GUCY1A1: variants seen among roughly 807,000 people sequenced by gnomAD.
GUCY1A1 encodes the protein guanylate cyclase soluble subunit alpha-1.
Under a neutral mutation model 64.5 loss-of-function variants are expected in GUCY1A1, and 48 were observed. That is an observed-to-expected ratio of 0.74 (90% CI 0.59 to 0.95). The LOEUF (loss-of-function observed/expected upper bound fraction) is 0.95, where lower values mean the gene tolerates loss of function less well. Among genes scored for constraint, GUCY1A1 ranks in the 40% least tolerant of loss-of-function variants. The probability of loss-of-function intolerance (pLI) is 0.00; values close to 1 mark genes in which losing one functional copy is unlikely to be tolerated. For synonymous variants in GUCY1A1, 308 were observed against 303.4 expected (o/e 1.02, Z -0.16); for missense variants, 804 against 825.3 (o/e 0.97, Z 0.32).
At chr4:155,676,664 G>A (rs1213036580) in intron 2 of GUCY1A1, among the ~76,000 whole-genome samples, 1 of 151,444 alleles carries the variant, frequency 6.6e-6, no homozygotes, top group African/African-American at 2.5e-5. Context: ...GTCATGCAGT[G>A]TTTATCACTT....
At position 155,736,631 on chromosome 4, in the gene GUCY1A1, A is replaced by T. The variant is rs1323507812; in HGVS notation, c.*6400A>T. 6.6e-6 allele frequency: 1 copy of T among 152,028 alleles called. No homozygotes were observed. 9.4% of individuals were successfully genotyped at this position (152,028 alleles called of 1,614,324 possible). The stretch of plus-strand genomic sequence containing the variant: ...AGACCACTTTTGATTTTTGAGGAAT[A>T]AAAGGAGTTAGTTTTTTGGTCCTGA... On this transcript the variant is annotated 3_prime_UTR_variant, in exon 10 of 10. Transcript: ENST00000506455.
chr4:155,720,134 C>T (rs114158529), intron 8 of GUCY1A1, among the ~76,000 whole-genome samples: 580 of 152,088 alleles, frequency 3.8e-3, no homozygotes, highest in Non-Finnish European at 5.1e-3. Context: ...TGCATCGTTT[C>T]GGTTTTTACG....
At chr4:155,713,621 A>T (rs1732873970) in intron 7 of GUCY1A1, 38 bp downstream of exon 7, 1 of 1,593,810 alleles carries the variant, frequency 6.3e-7, no homozygotes, top group African/African-American at 1.3e-5. Context: ...TTTACCAGCA[A>T]ACTCACTGGG....
At chr4:155,726,266 C>G (rs1318135775) in intron 9 of GUCY1A1, among the ~76,000 whole-genome samples, 2 of 151,948 alleles carry the variant, frequency 1.3e-5, no homozygotes, top group Non-Finnish European at 2.9e-5. Context: ...AATATAAATA[C>G]TTAATGTTAA....
intron 2 of GUCY1A1, among the ~76,000 whole-genome samples, chr4:155,673,156 T>C (rs1387363044): frequency 6.7e-6 from 1 of 148,342 alleles, no homozygotes; most frequent in Non-Finnish European, 1.5e-5. Flanking sequence ...TTTTTCTTTT[T>C]TTTATAAGCT....
chr4:155,707,709 A>G (rs150029580), intron 4 of GUCY1A1, among the ~76,000 whole-genome samples: 1 of 152,074 alleles, frequency 6.6e-6, no homozygotes, highest in South Asian at 2.1e-4. Context: ...ATTCTATGTC[A>G]TATATATTTT....
intron 2 of GUCY1A1, among the ~76,000 whole-genome samples, chr4:155,695,345 A>G (rs1730274700): frequency 1.3e-5 from 2 of 151,484 alleles, no homozygotes; most frequent in Admixed American, 1.3e-4. Flanking sequence ...GAGCATAGAA[A>G]ATAAAAAAAA....
At chr4:155,718,282 A>C (rs1427775333) in intron 8 of GUCY1A1, among the ~76,000 whole-genome samples, 1 of 152,182 alleles carries the variant, frequency 6.6e-6, no homozygotes, top group Admixed American at 6.5e-5. Flanking sequence ...TTTAAAAACA[A>C]AACTATATTT....
intron 5 of GUCY1A1, among the ~76,000 whole-genome samples, chr4:155,710,134 C>T (rs926417899): frequency 6.6e-6 from 1 of 152,172 alleles, no homozygotes; most frequent in Non-Finnish European, 1.5e-5. Context: ...CCGTGTCTGA[C>T]CCTTTTGCTG....
At chr4:155,679,240 C>A (rs1475429893) in intron 2 of GUCY1A1, among the ~76,000 whole-genome samples, 1 of 150,626 alleles carries the variant, frequency 6.6e-6, no homozygotes, top group Non-Finnish European at 1.5e-5. Context: ...CAAAGAATTT[C>A]TTTTATGTTT....
chr4:155,720,692 A>T (rs776007411), intron 8 of GUCY1A1, among the ~76,000 whole-genome samples: 1 of 152,186 alleles, frequency 6.6e-6, no homozygotes, highest in Non-Finnish European at 1.5e-5. Flanking sequence ...TTTCTAGCAG[A>T]TATCTGAAAT....
chr4:155,705,539 C>CAAAAAAAA (rs35914312), intron 4 of GUCY1A1, among the ~76,000 whole-genome samples: 2 of 82,058 alleles, frequency 2.4e-5, no homozygotes, highest in African/African-American at 1.1e-4. Flanking sequence ...GACTCCATCT[C>CAAAAAAAA]AAAAAAAAAA....
At chr4:155,697,329 C>T (rs1037684708) in intron 3 of GUCY1A1, among the ~76,000 whole-genome samples, 1 of 152,080 alleles carries the variant, frequency 6.6e-6, no homozygotes, top group Non-Finnish European at 1.5e-5. Context: ...ATCTTGAATT[C>T]TTTTCAAAAG....
In GUCY1A1 at chr4:155,705,445, C is replaced by G. The variant is rs990357693; in HGVS notation, c.317+1452C>G. On this transcript the variant is annotated intron_variant, in intron 4 of 9. Transcript: ENST00000506455. ...ATGCCTGTAATCCCAGCTAATCAGGCAGGAGAATGGCCTGAACCCAGGAGA... is the reference window on the plus strand; with the variant it reads ...ATGCCTGTAATCCCAGCTAATCAGGGAGGAGAATGGCCTGAACCCAGGAGA... Among the ~76,000 whole-genome samples, 28 of 147,930 alleles carry G rather than the reference C, an allele frequency of 1.9e-4. 1 individual carries two copies. Among genetic ancestry groups the G allele is most frequent in the Admixed American group, 1.3e-3 (19 of 14,436 alleles).
In GUCY1A1 at chr4:155,734,637, AG is replaced by A. The variant is rs1192953478; in HGVS notation, c.*4407del. ...AGGGATGGAGAACACAGCATATATGAGAGGTGGGAGGGCAGAGACGCCTTGC... is the reference window on the plus strand; with the variant it reads ...AGGGATGGAGAACACAGCATATATGAAGGTGGGAGGGCAGAGACGCCTTGC... On this transcript the variant is annotated 3_prime_UTR_variant, in exon 10 of 10. Coordinates refer to ENST00000506455, the MANE Select transcript of GUCY1A1 (RefSeq NM_001130682.3). 6.6e-6 allele frequency: 1 copy of A among 151,910 alleles called. No homozygotes were observed. The highest frequency in any genetic ancestry group is 1.5e-5 in the Non-Finnish European group (1 of 67,914). The allele number at this position is 151,910 out of a possible 1,614,324, so 9.4% of individuals were successfully genotyped here.
Position 155,733,129 on chromosome 4 carries a change from A to G in GUCY1A1, c.*2898A>G, listed in dbSNP as rs1227176830. On this transcript the variant is annotated 3_prime_UTR_variant, in exon 10 of 10. Coordinates refer to ENST00000506455, the MANE Select transcript of GUCY1A1 (RefSeq NM_001130682.3). Reference sequence around the variant, plus strand: ...TATTCATTCATGAAGAATTTATTGAATGCCTACTATGTGCCAGGAATATTG... The same window carrying G: ...TATTCATTCATGAAGAATTTATTGAGTGCCTACTATGTGCCAGGAATATTG... Among the ~76,000 whole-genome samples the G allele has an allele frequency of 1.3e-5, 2 of 151,900 alleles. No homozygotes were observed. Among genetic ancestry groups the G allele is most frequent in the African/African-American group, 4.8e-5 (2 of 41,408 alleles).
At chr4:155,701,710 A>T (rs1438549211) in intron 3 of GUCY1A1, among the ~76,000 whole-genome samples, 1 of 151,888 alleles carries the variant, frequency 6.6e-6, no homozygotes, top group Non-Finnish European at 1.5e-5. Context: ...AGGCTGAGGC[A>T]AGAGGATCAC....
chr4:155,687,859 C>T (rs1455457411), intron 2 of GUCY1A1, among the ~76,000 whole-genome samples: 1 of 152,066 alleles, frequency 6.6e-6, no homozygotes, highest in Non-Finnish European at 1.5e-5. Context: ...GTGAACCCAA[C>T]CCTCCAAATT....
chr4:155,720,376 T>TATC (rs1554002162), intron 8 of GUCY1A1, among the ~76,000 whole-genome samples: 2 of 143,620 alleles, frequency 1.4e-5, no homozygotes, highest in East Asian at 4.1e-4. Context: ...TCTATCTATC[T>TATC]ATCACTTGCT....
Sources: allele counts gnomAD v4.1 joint callset (sites outside exome capture counted in the v4.1 genomes callset), GRCh38; gene constraint gnomAD v4.1.1; transcripts MANE v1.5; gene names NCBI Gene and HGNC (gene_info 2026-07-23, HGNC 2026-07-21).